The following CTNNBL1 variants were observed in gnomAD, a reference collection of about 807,000 sequenced individuals.
CTNNBL1 encodes the protein beta-catenin-like protein 1.
Under a neutral mutation model 72.7 loss-of-function variants are expected in CTNNBL1, and 31 were observed. That is an observed-to-expected ratio of 0.43 (90% CI 0.32 to 0.58). The LOEUF (loss-of-function observed/expected upper bound fraction) is 0.58. CTNNBL1 is among the 20% of genes least tolerant of loss of function. The probability of loss-of-function intolerance (pLI) is 0.08; values close to 1 mark genes in which losing one functional copy is unlikely to be tolerated. For missense variants in CTNNBL1, 534 were observed against 725.1 expected (o/e 0.74, Z 3.03); for synonymous variants, 240 against 267.3 (o/e 0.90, Z 1.00).
chr20:37,867,500 C>T (rs1163015731), intron 15 of CTNNBL1, among the ~76,000 whole-genome samples: 1 of 152,126 alleles, frequency 6.6e-6, no homozygotes, highest in Non-Finnish European at 1.5e-5. Flanking sequence ...AATATTTATG[C>T]GTTCAGCACT....
At chr20:37,838,562 G>A (rs1438236172) in intron 11 of CTNNBL1, among the ~76,000 whole-genome samples, 1 of 152,160 alleles carries the variant, frequency 6.6e-6, no homozygotes, top group Non-Finnish European at 1.5e-5. Flanking sequence ...GGTTTAGGGA[G>A]GAAGATCAGG....
chr20:37,868,552 C>A (rs537424071), intron 15 of CTNNBL1, among the ~76,000 whole-genome samples: 1 of 152,224 alleles, frequency 6.6e-6, no homozygotes, highest in African/African-American at 2.4e-5. Context: ...GGACACTAAG[C>A]CATTCACTGC....
intron 6 of CTNNBL1, among the ~76,000 whole-genome samples, chr20:37,767,360 G>C (rs1399180983): frequency 1.8e-4 from 28 of 152,154 alleles, no homozygotes; most frequent in Non-Finnish European, 4.4e-5. Flanking sequence ...TGTTGTAGGA[G>C]ATAGCAGGAC....
chr20:37,757,700 G>T (rs936380565), intron 5 of CTNNBL1, 44 bp downstream of exon 5: 2 of 1,457,446 alleles, frequency 1.4e-6, no homozygotes, highest in South Asian at 2.3e-5. Flanking sequence ...TGTATAAGTT[G>T]TTGGCATTGC....
At chr20:37,789,061 G>A (rs911288094) in intron 10 of CTNNBL1, among the ~76,000 whole-genome samples, 3 of 152,140 alleles carry the variant, frequency 2.0e-5, no homozygotes, top group Admixed American at 2.0e-4. Context: ...AGTGGAACTC[G>A]TGCTGTGAAG....
intron 1 of CTNNBL1, among the ~76,000 whole-genome samples, chr20:37,729,422 A>G (rs1241817932): frequency 6.6e-6 from 1 of 152,148 alleles, no homozygotes; most frequent in Non-Finnish European, 1.5e-5. Context: ...GACTTCTGAA[A>G]TGTTTGTTTT....
chr20:37,791,281 G>T (rs190813049), intron 10 of CTNNBL1, among the ~76,000 whole-genome samples: 4 of 152,250 alleles, frequency 2.6e-5, no homozygotes, highest in Non-Finnish European at 2.9e-5. Context: ...AAATTGCTGG[G>T]TCATATGTTA....
At chr20:37,801,037 C>T (rs1048665059) in intron 10 of CTNNBL1, among the ~76,000 whole-genome samples, 1 of 152,238 alleles carries the variant, frequency 6.6e-6, no homozygotes, top group African/African-American at 2.4e-5. Context: ...CACATGTCCT[C>T]GTTTTACTTC....
At chr20:37,703,050 C>T (rs1310547567) in intron 1 of CTNNBL1, among the ~76,000 whole-genome samples, 1 of 152,190 alleles carries the variant, frequency 6.6e-6, no homozygotes, top group Non-Finnish European at 1.5e-5. Context: ...TCTTTATTAT[C>T]ATATCTTGCC....
chr20:37,694,205 G>A lies in CTNNBL1; in HGVS notation c.30+53G>A, dbSNP rs1210637513. 2.7e-5 allele frequency: 40 copies of A among 1,508,178 alleles called. No individual in the cohort carries two copies. The South Asian group carries it at 4.8e-4, about 18-fold the overall frequency. 93.4% of individuals were successfully genotyped at this position (1,508,178 alleles called of 1,614,324 possible). On this transcript the variant is annotated intron_variant, in intron 1 of 15. Coordinates refer to ENST00000361383, the MANE Select transcript of CTNNBL1 (RefSeq NM_030877.5). ...CCGCGTTCTCACCTGGGCAGGGGTC[G>A]CAGGAGCCAGAGCCCTTTCATCTCA...
At chr20:37,842,464 C>A in intron 13 of CTNNBL1, 45 bp downstream of exon 13, 1 of 1,365,534 alleles carries the variant, frequency 7.3e-7, no homozygotes, top group Non-Finnish European at 1.0e-6. Context: ...ACTTGCCCTC[C>A]GTTTGGGTCC....
intron 10 of CTNNBL1, among the ~76,000 whole-genome samples, chr20:37,796,042 G>A (rs1224290495): frequency 6.6e-6 from 1 of 151,912 alleles, no homozygotes; most frequent in Non-Finnish European, 1.5e-5. Flanking sequence ...ATTAGTCTAT[G>A]GCTAATAATG....
intron 2 of CTNNBL1, among the ~76,000 whole-genome samples, chr20:37,734,048 T>C (rs2073152206): frequency 6.6e-6 from 1 of 152,254 alleles, no homozygotes; most frequent in South Asian, 2.1e-4. Flanking sequence ...GTTATTTCAC[T>C]CTGGCATTTT....
chr20:37,777,261 G>C (rs1047089534), intron 7 of CTNNBL1, 84 bp from the exon 8 acceptor site: 1 of 1,045,336 alleles, frequency 9.6e-7, no homozygotes, highest in Non-Finnish European at 1.5e-6. Context: ...CTCTAACTCA[G>C]ATCATAGTAC....
Position 37,859,961 on chromosome 20 carries a change from C to T in CTNNBL1, c.1455C>T (p.Arg485=). Residue 485 remains arginine, a synonymous_variant, in exon 14 of 16, where the codon CGC becomes CGT. Coordinates refer to ENST00000361383, the MANE Select transcript of CTNNBL1 (RefSeq NM_030877.5). The part of the protein sequence containing the change: ...NDTEEEFYLR[R]LDAGLFVLQH... ...CCGAGGAGGAGTTCTACCTCCGGCG[C>T]CTGGATGCGGGGCTCTTTGTTCTCC... 1 of 1,614,190 alleles carries T rather than the reference C, an allele frequency of 6.2e-7. No individual in the cohort carries two copies. Among genetic ancestry groups the T allele is most frequent in the Non-Finnish European group, 8.5e-7 (1 of 1,180,038 alleles).
chr20:37,759,041 G>A (rs779191457), intron 5 of CTNNBL1, among the ~76,000 whole-genome samples: 3 of 152,226 alleles, frequency 2.0e-5, no homozygotes, highest in Admixed American at 6.5e-5. Context: ...TGAAGAACTG[G>A]CTCTTACAGA....
chr20:37,828,050 C>T (rs2072175442), intron 11 of CTNNBL1, among the ~76,000 whole-genome samples: 1 of 152,226 alleles, frequency 6.6e-6, no homozygotes, highest in Admixed American at 6.5e-5. Flanking sequence ...TCCAGACCCT[C>T]TCAGGGAGTC....
chr20:37,847,854 A>T (rs1294013928), intron 13 of CTNNBL1: 1 of 152,856 alleles, frequency 6.5e-6, no homozygotes, highest in African/African-American at 2.4e-5. Context: ...TCCAGGCTTT[A>T]CCTGAAAAGA....
rs187592925 is a variant in CTNNBL1, at chr20:37,704,398, G to A, written c.30+10246G>A. ...CCATCCCTTCCTTTCTGTTCCAACC[G>A]CCACCACCTTAGTTTAGACTCTTAA... On this transcript the variant is annotated intron_variant, in intron 1 of 15. Coordinates refer to ENST00000361383, the MANE Select transcript of CTNNBL1 (RefSeq NM_030877.5). Among the ~76,000 whole-genome samples the A allele has an allele frequency of 5.3e-5, 8 of 152,146 alleles. No individual in the cohort carries two copies. The East Asian group carries it at 1.2e-3, about 22-fold the overall frequency.
Sources: gnomAD v4.1 joint callset for allele counts (sites outside exome capture counted in the v4.1 genomes callset) on GRCh38, gnomAD v4.1.1 for gene constraint, MANE v1.5 for transcripts, NCBI Gene and HGNC (gene_info 2026-07-23, HGNC 2026-07-21) for gene names.